RNF111: variants seen among roughly 807,000 people sequenced by gnomAD.
RNF111 encodes E3 ubiquitin-protein ligase Arkadia.
In RNF111, 17 loss-of-function variants were observed where a neutral mutation model predicts 95.1. The observed-to-expected ratio is 0.18, with a 90% confidence interval of 0.12 to 0.27. The LOEUF is 0.27. RNF111 is among the 10% of genes least tolerant of loss of function. The probability of loss-of-function intolerance (pLI) is 1.00; values close to 1 mark genes in which losing one functional copy is unlikely to be tolerated. For missense variants in RNF111, 1,189 were observed against 1,210.4 expected (o/e 0.98, Z 0.26); for synonymous variants, 440 against 414.8 (o/e 1.06, Z -0.74).
At chr15:59,094,750 A>T (rs1243299965) in intron 13 of RNF111, 33 bp from the exon 14 acceptor site, 6 of 1,200,012 alleles carry the variant, frequency 5.0e-6, no homozygotes, top group Non-Finnish European at 7.5e-6. Context: ...TCATAAAATT[A>T]ATTTTTGCTT....
intron 3 of RNF111, among the ~76,000 whole-genome samples, chr15:59,055,113 C>G (rs539885166): frequency 3.9e-5 from 6 of 152,336 alleles, no homozygotes; most frequent in Non-Finnish European, 5.9e-5. Context: ...CTAGCTCACG[C>G]AAGTAATATT....
Position 59,096,805 on chromosome 15 carries a change from C to T in RNF111, c.*1905C>T, listed in dbSNP as rs2079182734. 6.6e-6 allele frequency: 1 copy of T among 152,200 alleles called. No homozygotes were observed. Among genetic ancestry groups the T allele is most frequent in the South Asian group, 2.1e-4 (1 of 4,830 alleles). 9.4% of individuals were successfully genotyped at this position (152,200 alleles called of 1,614,324 possible). ...CTGTAATGGATGTACTACTTTGCCA[C>T]TGGAATACCCCGGGTCTGTGCCAAG... is the stretch of plus-strand genomic sequence containing the variant. On this transcript the variant is annotated 3_prime_UTR_variant, in exon 14 of 14. Coordinates refer to ENST00000348370, the MANE Select transcript of RNF111 (RefSeq NM_017610.8).
At chr15:59,048,316 C>G (rs184757469) in intron 2 of RNF111, among the ~76,000 whole-genome samples, 189 of 152,260 alleles carry the variant, frequency 1.2e-3, no homozygotes, top group Non-Finnish European at 8.1e-4. Context: ...TATATTTCAA[C>G]ATAAATACGC....
chr15:58,990,936 C>T (rs1387695174), intron 1 of RNF111, among the ~76,000 whole-genome samples: 2 of 152,058 alleles, frequency 1.3e-5, no homozygotes, highest in African/African-American at 2.4e-5. Flanking sequence ...ACAGCTGGCC[C>T]AGGTTTCTAC....
chr15:59,017,111 A>G (rs1411010050), intron 1 of RNF111, among the ~76,000 whole-genome samples: 1 of 152,106 alleles, frequency 6.6e-6, no homozygotes, highest in Non-Finnish European at 1.5e-5. Flanking sequence ...AAAGTGCACA[A>G]TAAATGTACT....
chr15:59,083,893 A>C, intron 8 of RNF111: 1 of 247,926 alleles, frequency 4.0e-6, no homozygotes, highest in Non-Finnish European at 7.3e-6. Flanking sequence ...CTTGGGTGAT[A>C]TTTGAATTGG....
At chr15:59,055,189 C>T (rs2042153619) in intron 3 of RNF111, among the ~76,000 whole-genome samples, 1 of 152,170 alleles carries the variant, frequency 6.6e-6, no homozygotes, top group Non-Finnish European at 1.5e-5. Flanking sequence ...GGAAATCTCC[C>T]TGGTGCCTGT....
chr15:59,011,996 T>C (rs1383718250), intron 1 of RNF111, among the ~76,000 whole-genome samples: 1 of 144,538 alleles, frequency 6.9e-6, no homozygotes, highest in Admixed American at 7.4e-5. Flanking sequence ...CTTTTTTGTT[T>C]GTTTGCCTTT....
chr15:59,077,962 CT>C (rs2078614754), intron 7 of RNF111, among the ~76,000 whole-genome samples: 1 of 152,212 alleles, frequency 6.6e-6, no homozygotes, highest in Admixed American at 6.5e-5. Flanking sequence ...TTCCCGTATG[CT>C]TTAGTTCACG....
At chr15:58,998,706 A>G (rs1693535) in intron 1 of RNF111, among the ~76,000 whole-genome samples, 150,817 of 152,330 alleles carry the variant, frequency 0.99, 74,679 homozygotes, top group Middle Eastern at 1. Context: ...TTATTGCCAA[A>G]ATAAAATTCA....
chr15:59,058,550 G>C lies in RNF111; in HGVS notation c.1366G>C (p.Asp456His), dbSNP rs1482547014. ...TAGTACCACTGGCACTTCTATAGGA[G>C]GTATGTAAAAAAGTGGGGGAGGGGA... ...SNSTTGTSIG[D>H]DSRRTTSSAV... The change falls in exon 5 of 14, where the codon GAT (aspartate) becomes CAT (histidine). Residue 456 changes from aspartate to histidine, a missense_variant and splice_region_variant. Transcript: ENST00000348370. 1 of 1,613,592 alleles carries C rather than the reference G, an allele frequency of 6.2e-7. No homozygotes were observed. The highest frequency in any genetic ancestry group is 1.7e-5 in the Admixed American group (1 of 60,002).
At chr15:59,086,308 T>C (rs1217970467) in intron 10 of RNF111, among the ~76,000 whole-genome samples, 5 of 151,978 alleles carry the variant, frequency 3.3e-5, no homozygotes, top group Admixed American at 2.0e-4. Context: ...TTAATAGAGA[T>C]GGGGTTTCAC....
At chr15:58,999,525 A>G (rs566437056) in intron 1 of RNF111, among the ~76,000 whole-genome samples, 2 of 152,130 alleles carry the variant, frequency 1.3e-5, no homozygotes, top group South Asian at 4.2e-4. Context: ...TAGTAGAGAC[A>G]GGGTTTCACT....
intron 2 of RNF111, among the ~76,000 whole-genome samples, chr15:59,036,296 G>A (rs1282118051): frequency 3.9e-5 from 6 of 152,126 alleles, no homozygotes; most frequent in Non-Finnish European, 8.8e-5. Flanking sequence ...GGCCTCAAGA[G>A]ATCCGCTGCC....
rs953015017 is a variant in RNF111, at chr15:59,096,858, A to C, written c.*1958A>C. The C allele has an allele frequency of 6.6e-6, 1 of 152,216 alleles. No individual in the cohort carries two copies. The highest frequency in any genetic ancestry group is 2.4e-5 in the African/African-American group (1 of 41,444). The allele number at this position is 152,216 out of a possible 1,614,324, so 9.4% of individuals were successfully genotyped here. On this transcript the variant is annotated 3_prime_UTR_variant, in exon 14 of 14. Coordinates refer to ENST00000348370, the MANE Select transcript of RNF111 (RefSeq NM_017610.8). Reference sequence around the variant, plus strand: ...ACTGAAGAAGTGTAAGATGGGGAGAACTGTATGTCATGGAGTCCTCTTGAC... The same window carrying C: ...ACTGAAGAAGTGTAAGATGGGGAGACCTGTATGTCATGGAGTCCTCTTGAC...
At position 59,027,887 on chromosome 15, in the gene RNF111, G is replaced by A. The variant is rs144726783; in HGVS notation, c.-19-2917G>A. On this transcript the variant is annotated intron_variant, in intron 1 of 13. Coordinates refer to ENST00000348370, the MANE Select transcript of RNF111 (RefSeq NM_017610.8). ...GTTGTCCAAGCTGGAGTGCAGTGGT[G>A]TGATCTCAGCTCACTACAACCTCTG... is the stretch of plus-strand genomic sequence containing the variant. Among the ~76,000 whole-genome samples, 1,304 of 147,378 alleles carry A rather than the reference G, an allele frequency of 8.8e-3. 15 individuals are homozygous for A. Among genetic ancestry groups the A allele is most frequent in the African/African-American group, 0.031 (1,247 of 39,748 alleles).
At chr15:59,019,421 G>T (rs2040225217) in intron 1 of RNF111, among the ~76,000 whole-genome samples, 1 of 152,050 alleles carries the variant, frequency 6.6e-6, no homozygotes. Flanking sequence ...AAAAAAATTG[G>T]CTTTCTTCTA....
chr15:59,091,676 A>G (rs913302945), intron 12 of RNF111, among the ~76,000 whole-genome samples: 6 of 152,154 alleles, frequency 3.9e-5, no homozygotes, highest in African/African-American at 1.2e-4. Context: ...TATGGGGTAG[A>G]CATGTTAAAT....
intron 1 of RNF111, among the ~76,000 whole-genome samples, chr15:59,027,963 T>C (rs1156363415): frequency 6.6e-6 from 1 of 151,820 alleles, no homozygotes; most frequent in African/African-American, 2.4e-5. Flanking sequence ...GTAGCTGGGA[T>C]TACAGGTGCA....
Sources: allele counts gnomAD v4.1 joint callset (sites outside exome capture counted in the v4.1 genomes callset), GRCh38; gene constraint gnomAD v4.1.1; transcripts MANE v1.5; gene names NCBI Gene and HGNC (gene_info 2026-07-23, HGNC 2026-07-21).